The following FRYL variants were observed in gnomAD, a reference collection of about 807,000 sequenced individuals.
The protein encoded by FRYL is FRY like transcription coactivator.
Under a neutral mutation model 351.2 loss-of-function variants are expected in FRYL, and 150 were observed. The observed-to-expected ratio is 0.43, with a 90% CI of 0.37 to 0.49. FRYL has a LOEUF of 0.49. Ranked by LOEUF, FRYL falls within the 20% of genes least tolerant of loss-of-function variation. The pLI is 0.00. For synonymous variants in FRYL, 1,153 were observed against 1,257.1 expected (o/e 0.92, Z 1.75); for missense variants, 3,036 against 3,619.3 (o/e 0.84, Z 4.13).
At chr4:48,631,545 C>T (rs940953355) in intron 4 of FRYL, among the ~76,000 whole-genome samples, 3 of 152,008 alleles carry the variant, frequency 2.0e-5, no homozygotes, top group African/African-American at 7.2e-5. Flanking sequence ...AAACCCTCTA[C>T]TGAGTACCCA....
At chr4:48,592,261 T>C (rs1036816123) in intron 16 of FRYL, among the ~76,000 whole-genome samples, 2 of 151,844 alleles carry the variant, frequency 1.3e-5, no homozygotes, top group Non-Finnish European at 2.9e-5. Context: ...AGCTCCACAA[T>C]GTAGCTTCAC....
In FRYL at chr4:48,502,849, A is replaced by G; in HGVS notation, c.8464-4T>C. ...TTACTGCTAGTATTTCCATTTGCTAAGCAAGAAGGTGATCAGGTCACAAAA... is the reference window on the plus strand; with the variant it reads ...TTACTGCTAGTATTTCCATTTGCTAGGCAAGAAGGTGATCAGGTCACAAAA... On this transcript the variant is annotated splice_polypyrimidine_tract_variant and splice_region_variant and intron_variant, in intron 60 of 63. Transcript: ENST00000358350. The G allele has an allele frequency of 2.5e-6, 4 of 1,609,884 alleles. No homozygotes were observed. The highest frequency in any genetic ancestry group is 2.2e-5 in the East Asian group (1 of 44,660).
At chr4:48,777,054 A>C (rs1776097169) in intron 1 of FRYL, among the ~76,000 whole-genome samples, 1 of 152,190 alleles carries the variant, frequency 6.6e-6, no homozygotes, top group Non-Finnish European at 1.5e-5. Flanking sequence ...AAAAAAAACA[A>C]AAACTATTTA....
At chr4:48,619,170 TG>T (rs1372173338) in intron 7 of FRYL, 103 bp downstream of exon 7, 4 of 751,324 alleles carry the variant, frequency 5.3e-6, no homozygotes, top group Non-Finnish European at 9.1e-6. Context: ...ATTTAATTTA[TG>T]TGGGCTAAAA....
At chr4:48,675,037 T>C (rs553829816) in intron 3 of FRYL, among the ~76,000 whole-genome samples, 1 of 152,302 alleles carries the variant, frequency 6.6e-6, no homozygotes, top group African/African-American at 2.4e-5. Flanking sequence ...ACTTCAAGTT[T>C]CAATTTCTTT....
At chr4:48,765,824 G>A (rs1172097622) in intron 1 of FRYL, among the ~76,000 whole-genome samples, 1 of 152,130 alleles carries the variant, frequency 6.6e-6, no homozygotes, top group African/African-American at 2.4e-5. Flanking sequence ...ATTTAAAAAT[G>A]GGCAAGGTAC....
intron 53 of FRYL, among the ~76,000 whole-genome samples, chr4:48,525,332 G>A (rs1180233427): frequency 6.6e-6 from 1 of 152,012 alleles, no homozygotes; most frequent in African/African-American, 2.4e-5. Context: ...TGTGTCTTTG[G>A]GAAAATGTAA....
intron 1 of FRYL, among the ~76,000 whole-genome samples, chr4:48,711,328 G>C (rs1262285210): frequency 2.0e-5 from 3 of 152,272 alleles, no homozygotes; most frequent in Admixed American, 6.5e-5. Flanking sequence ...AGGGGTGACA[G>C]ATGGCACCTG....
intron 3 of FRYL, among the ~76,000 whole-genome samples, chr4:48,679,335 T>A (rs962948328): frequency 1.3e-5 from 2 of 152,134 alleles, no homozygotes; most frequent in African/African-American, 4.8e-5. Context: ...GTAACTGGTA[T>A]TTTTTAAAAA....
At chr4:48,779,392 G>A (rs1009285113) in intron 1 of FRYL, among the ~76,000 whole-genome samples, 3 of 152,160 alleles carry the variant, frequency 2.0e-5, no homozygotes, top group Non-Finnish European at 4.4e-5. Context: ...CCCGGGGTAC[G>A]CCAACGGCCC....
intron 3 of FRYL, among the ~76,000 whole-genome samples, chr4:48,650,767 A>G (rs936634980): frequency 6.6e-6 from 1 of 152,178 alleles, no homozygotes; most frequent in African/African-American, 2.4e-5. Flanking sequence ...AACCCTTACC[A>G]GCAATGTGGA....
rs1364553131 is a variant in FRYL at position 48,542,119 on chromosome 4, T to C, written c.5595A>G (p.Gly1865=). ...TVGDPGEDAQ[G]FVIELLLTLE... The stretch of plus-strand genomic sequence containing the variant: ...ATGTGAGAAGAAGCTCAATCACAAA[T>C]CCCTGGGGGGAAAAAGGCAGATTTT... The change falls in exon 45 of 64, where the codon GGA becomes GGG. Residue 1865 remains glycine, a splice_region_variant and synonymous_variant. Coordinates refer to ENST00000358350, the MANE Select transcript of FRYL (RefSeq NM_015030.2). The C allele has an allele frequency of 1.2e-6, 2 of 1,611,322 alleles. No individual in the cohort carries two copies. Among genetic ancestry groups the C allele is most frequent in the South Asian group, 1.1e-5 (1 of 91,000 alleles).
chr4:48,554,342 C>CTT (rs1035961712), intron 35 of FRYL, among the ~76,000 whole-genome samples: 2 of 145,166 alleles, frequency 1.4e-5, no homozygotes, highest in African/African-American at 2.5e-5. Flanking sequence ...CAACCAAATT[C>CTT]TTTTTTTTTT....
chr4:48,611,935 T>C (rs1345266568), intron 7 of FRYL, among the ~76,000 whole-genome samples: 2 of 152,156 alleles, frequency 1.3e-5, no homozygotes, highest in African/African-American at 2.4e-5. Flanking sequence ...AGGTTCTGTA[T>C]ATATTGTTGC....
intron 1 of FRYL, among the ~76,000 whole-genome samples, chr4:48,759,460 AC>A (rs1223068268): frequency 3.9e-5 from 6 of 152,206 alleles, no homozygotes; most frequent in Admixed American, 2.0e-4. Context: ...GTGGCTTTAA[AC>A]AGCACACATT....
At chr4:48,682,204 G>T (rs1174723067) in intron 3 of FRYL, among the ~76,000 whole-genome samples, 1 of 152,070 alleles carries the variant, frequency 6.6e-6, no homozygotes, top group Non-Finnish European at 1.5e-5. Flanking sequence ...GATTTGCATA[G>T]TATTTCAAAA....
Position 48,527,525 on chromosome 4 carries a change from A to G in FRYL, c.7269T>C (p.Gly2423=). ...VEDNSSEQQF[G]VFKDFDFLDV... ...CTAAAAAGTCAAAATCCTTAAAAAC[A>G]CCAAACTGTTGTTCACTGCTATTAT... Residue 2423 remains glycine, a synonymous_variant, in exon 53 of 64, where the codon GGT becomes GGC. Coordinates refer to ENST00000358350, the MANE Select transcript of FRYL (RefSeq NM_015030.2). The G allele has an allele frequency of 6.2e-7, 1 of 1,613,316 alleles. No homozygotes were observed. Among genetic ancestry groups the G allele is most frequent in the Non-Finnish European group, 8.5e-7 (1 of 1,179,504 alleles).
At chr4:48,657,259 C>T (rs1469489494) in intron 3 of FRYL, among the ~76,000 whole-genome samples, 2 of 152,042 alleles carry the variant, frequency 1.3e-5, no homozygotes, top group Non-Finnish European at 2.9e-5. Context: ...CAGCCTCAAA[C>T]TCCTGGGATC....
At chr4:48,749,162 C>A (rs1772986593) in intron 1 of FRYL, among the ~76,000 whole-genome samples, 2 of 152,216 alleles carry the variant, frequency 1.3e-5, no homozygotes, top group African/African-American at 4.8e-5. Context: ...GAACCCACTG[C>A]AGGGCGGAGA....
Sources: allele counts gnomAD v4.1 joint callset (sites outside exome capture counted in the v4.1 genomes callset), GRCh38; gene constraint gnomAD v4.1.1; transcripts MANE v1.5; gene names NCBI Gene and HGNC (gene_info 2026-07-23, HGNC 2026-07-21).